The following GRID2 variants were observed in gnomAD, a reference collection of about 807,000 sequenced individuals.
GRID2 encodes glutamate ionotropic receptor delta type subunit 2, also known as glutamate receptor ionotropic, delta-2.
GRID2 carries 33 observed loss-of-function variants against 114.8 expected under a neutral mutation model. The ratio of observed to expected loss-of-function variants is 0.29; its 90% confidence interval spans 0.22 to 0.38. The LOEUF (loss-of-function observed/expected upper bound fraction) is 0.38. Among genes scored for constraint, GRID2 ranks in the 10% least tolerant of loss-of-function variants. GRID2 has a pLI of 1.00. For missense variants in GRID2, 1,184 were observed against 1,257.7 expected (o/e 0.94, Z 0.89); for synonymous variants, 505 against 449.9 (o/e 1.12, Z -1.55).
At chr4:92,496,182 T>TA (rs562369529) in intron 1 of GRID2, among the ~76,000 whole-genome samples, 167 of 152,008 alleles carry the variant, frequency 1.1e-3, no homozygotes, top group Admixed American at 3.1e-3. Flanking sequence ...TTATTTATTT[T>TA]AAAAAACTGA....
intron 1 of GRID2, among the ~76,000 whole-genome samples, chr4:92,469,464 T>G (rs1020242165): frequency 6.6e-6 from 1 of 152,060 alleles, no homozygotes; most frequent in Admixed American, 6.6e-5. Flanking sequence ...ATCTCTAGAT[T>G]AGTTATAATA....
intron 13 of GRID2, among the ~76,000 whole-genome samples, chr4:93,562,966 T>A (rs1435678275): frequency 1.3e-5 from 2 of 151,986 alleles, no homozygotes; most frequent in Non-Finnish European, 2.9e-5. Context: ...TCAAATTGTA[T>A]CCTATGGTAG....
At chr4:92,535,160 A>T (rs1331563575) in intron 1 of GRID2, among the ~76,000 whole-genome samples, 1 of 152,166 alleles carries the variant, frequency 6.6e-6, no homozygotes, top group African/African-American at 2.4e-5. Context: ...TCTCTGAAAT[A>T]TATCTGTAAT....
At chr4:93,316,555 G>T (rs913066705) in intron 8 of GRID2, among the ~76,000 whole-genome samples, 2 of 152,140 alleles carry the variant, frequency 1.3e-5, no homozygotes, top group African/African-American at 4.8e-5. Context: ...AAAGAAGAGA[G>T]AATTAAAAAG....
intron 8 of GRID2, among the ~76,000 whole-genome samples, chr4:93,272,075 C>T (rs140918222): frequency 3.9e-4 from 60 of 152,192 alleles, no homozygotes; most frequent in African/African-American, 1.3e-3. Context: ...AAATCTTACC[C>T]AAGGGCACAG....
intron 1 of GRID2, among the ~76,000 whole-genome samples, chr4:92,564,103 G>C (rs1579588269): frequency 6.6e-6 from 1 of 151,600 alleles, no homozygotes; most frequent in East Asian, 1.9e-4. Context: ...TACATATTTG[G>C]AAACTCATGG....
At chr4:93,414,258 G>A (rs1767487879) in intron 9 of GRID2, among the ~76,000 whole-genome samples, 1 of 152,048 alleles carries the variant, frequency 6.6e-6, no homozygotes, top group African/African-American at 2.4e-5. Context: ...TTCTTCACTT[G>A]CCTCTTCCAG....
intron 1 of GRID2, among the ~76,000 whole-genome samples, chr4:92,398,302 A>G (rs900693238): frequency 2.0e-5 from 3 of 152,148 alleles, no homozygotes; most frequent in Admixed American, 6.6e-5. Context: ...TATTATTATT[A>G]TTATTAATTT....
intron 1 of GRID2, among the ~76,000 whole-genome samples, chr4:92,384,938 A>T (rs372302183): frequency 6.6e-6 from 1 of 151,136 alleles, no homozygotes; most frequent in Admixed American, 6.7e-5. Context: ...ATCAGAAAGG[A>T]TAGATTGCAT....
intron 1 of GRID2, among the ~76,000 whole-genome samples, chr4:92,436,850 T>C (rs1390048020): frequency 6.6e-6 from 1 of 152,170 alleles, no homozygotes; most frequent in Non-Finnish European, 1.5e-5. Context: ...GAATAATGTC[T>C]GTTGGGCCAA....
chr4:93,352,367 A>G (rs1319381827), intron 8 of GRID2, among the ~76,000 whole-genome samples: 1 of 152,092 alleles, frequency 6.6e-6, no homozygotes, highest in Non-Finnish European at 1.5e-5. Context: ...TGGAAAAATT[A>G]ATCTTGTTGC....
intron 2 of GRID2, among the ~76,000 whole-genome samples, chr4:92,871,965 A>G (rs1159202125): frequency 6.6e-6 from 1 of 152,136 alleles, no homozygotes; most frequent in Non-Finnish European, 1.5e-5. Flanking sequence ...ATTTGCGTAT[A>G]AAAAGAAATA....
intron 4 of GRID2, among the ~76,000 whole-genome samples, chr4:93,164,332 G>A (rs989830624): frequency 3.3e-5 from 5 of 151,964 alleles, no homozygotes; most frequent in African/African-American, 7.2e-5. Context: ...CAGATGTAAC[G>A]GGCTAAAGTG....
At chr4:93,479,740 A>G (rs1335960089) in intron 11 of GRID2, among the ~76,000 whole-genome samples, 2 of 152,044 alleles carry the variant, frequency 1.3e-5, no homozygotes, top group African/African-American at 4.8e-5. Context: ...CTGGGCCGCC[A>G]GCTAACTGGA....
At chr4:92,416,357 CTGTT>C (rs1470301643) in intron 1 of GRID2, among the ~76,000 whole-genome samples, 2 of 152,094 alleles carry the variant, frequency 1.3e-5, no homozygotes, top group Non-Finnish European at 2.9e-5. Flanking sequence ...TGTGGGTTGT[CTGTT>C]TATTCTGCTA....
chr4:92,823,505 T>G (rs1741444061), intron 2 of GRID2, among the ~76,000 whole-genome samples: 1 of 152,118 alleles, frequency 6.6e-6, no homozygotes, highest in Non-Finnish European at 1.5e-5. Flanking sequence ...ATAGAAAGGT[T>G]GGAACCTGGA....
At chr4:92,393,955 A>G (rs76329732) in intron 1 of GRID2, among the ~76,000 whole-genome samples, 183 of 152,236 alleles carry the variant, frequency 1.2e-3, no homozygotes, top group Non-Finnish European at 1.7e-3. Flanking sequence ...GTCACTGGTT[A>G]CCACTTTTAA....
chr4:93,301,014 C>T (rs1754818071), intron 8 of GRID2, among the ~76,000 whole-genome samples: 4 of 152,322 alleles, frequency 2.6e-5, no homozygotes, highest in Middle Eastern at 3.4e-3. Context: ...GCCAGGCAGG[C>T]CCAGGCCTGT....
chr4:93,339,752 G>C (rs1759454532), intron 8 of GRID2, among the ~76,000 whole-genome samples: 1 of 152,118 alleles, frequency 6.6e-6, no homozygotes, highest in Admixed American at 6.6e-5. Flanking sequence ...AAGGGAAGAG[G>C]TGTAATTGAC....
Sources: gnomAD v4.1 joint callset for allele counts (sites outside exome capture counted in the v4.1 genomes callset) on GRCh38, gnomAD v4.1.1 for gene constraint, MANE v1.5 for transcripts, NCBI Gene and HGNC (gene_info 2026-07-23, HGNC 2026-07-21) for gene names.